Variants in SIL1 observed in about 807,000 individuals in gnomAD.
SIL1 encodes SIL1 nucleotide exchange factor.
Under a neutral mutation model 49.1 loss-of-function variants are expected in SIL1, and 40 were observed. The observed-to-expected ratio is 0.81, with a 90% CI of 0.63 to 1.06. SIL1 has a LOEUF of 1.06. Ranked by LOEUF, SIL1 falls within the 50% of genes least tolerant of loss-of-function variation. The pLI is 0.00. For missense variants in SIL1, 500 were observed against 572.6 expected (o/e 0.87, Z 1.29); for synonymous variants, 253 against 250.8 (o/e 1.01, Z -0.08).
At chr5:138,973,603 A>G (rs1580996664) in intron 7 of SIL1, among the ~76,000 whole-genome samples, 1 of 152,084 alleles carries the variant, frequency 6.6e-6, no homozygotes, top group East Asian at 1.9e-4. Context: ...CTGGGACTAG[A>G]CATATGCCAC....
chr5:138,956,273 CAGAA>C (rs775858665), intron 7 of SIL1, among the ~76,000 whole-genome samples: 125 of 152,306 alleles, frequency 8.2e-4, no homozygotes, highest in Non-Finnish European at 1.3e-3. Flanking sequence ...CCTTCTTGCC[CAGAA>C]AGAAAGATTT....
intron 1 of SIL1, among the ~76,000 whole-genome samples, chr5:139,141,129 G>C (rs1302321844): frequency 6.6e-6 from 1 of 152,168 alleles, no homozygotes; most frequent in Admixed American, 6.5e-5. Flanking sequence ...CTATTTCATA[G>C]GCCTATAACT....
intron 7 of SIL1, among the ~76,000 whole-genome samples, chr5:139,008,845 G>A (rs889129297): frequency 2.6e-5 from 4 of 152,144 alleles, no homozygotes; most frequent in African/African-American, 9.7e-5. Context: ...TATAACTTCT[G>A]TTCTTTTACA....
intron 7 of SIL1, among the ~76,000 whole-genome samples, chr5:138,994,423 T>C (rs951992580): frequency 2.0e-5 from 3 of 152,134 alleles, no homozygotes; most frequent in Admixed American, 1.3e-4. Flanking sequence ...TCACTACCTA[T>C]ATGGAAAAAA....
At chr5:139,082,359 C>A (rs570651632) in intron 3 of SIL1, among the ~76,000 whole-genome samples, 1 of 152,264 alleles carries the variant, frequency 6.6e-6, no homozygotes, top group Admixed American at 6.5e-5. Context: ...TGAGGGTATG[C>A]TGAGTCTGAC....
At chr5:139,171,504 G>GTGCTC (rs528140936) in intron 1 of SIL1, among the ~76,000 whole-genome samples, 3 of 152,086 alleles carry the variant, frequency 2.0e-5, no homozygotes, top group South Asian at 2.1e-4. Flanking sequence ...TGAAGGCAGC[G>GTGCTC]TGCTCGTTAA....
intron 3 of SIL1, among the ~76,000 whole-genome samples, chr5:139,091,451 T>C (rs779352057): frequency 6.6e-6 from 1 of 152,218 alleles, no homozygotes; most frequent in Non-Finnish European, 1.5e-5. Flanking sequence ...TATTTGACTC[T>C]ATGAAAAGAT....
intron 3 of SIL1, among the ~76,000 whole-genome samples, chr5:139,088,191 C>A (rs1327736404): frequency 6.6e-6 from 1 of 152,248 alleles, no homozygotes; most frequent in East Asian, 1.9e-4. Context: ...ATGATTCTTT[C>A]ATTCACTTGT....
At chr5:139,035,191 A>C (rs1768875011) in intron 5 of SIL1, 2 of 402,980 alleles carry the variant, frequency 5.0e-6, no homozygotes, top group South Asian at 4.5e-5. Context: ...GATGTCATCT[A>C]TGATGTCATG....
intron 7 of SIL1, among the ~76,000 whole-genome samples, chr5:138,979,098 G>A (rs1430424971): frequency 6.0e-5 from 9 of 151,166 alleles, no homozygotes; most frequent in South Asian, 2.1e-4. Flanking sequence ...AAGGAGTCTC[G>A]CTCTGTCGCC....
In SIL1 at chr5:138,946,798, AG is replaced by A. The variant is rs560750312; in HGVS notation, c.*318del. 86 of 402,248 alleles carry A rather than the reference AG, an allele frequency of 2.1e-4. No homozygotes were observed. Among genetic ancestry groups the A allele is most frequent in the African/African-American group, 1.6e-3 (78 of 49,654 alleles). 24.9% of individuals were successfully genotyped at this position (402,248 alleles called of 1,614,324 possible). ...CTCAGAGCAATTAAGCGACTTCCCA[AG>A]GTACAGAGCTGCTGCTTGGTAAGAA... On this transcript the variant is annotated 3_prime_UTR_variant, in exon 10 of 10. Coordinates refer to ENST00000394817, the MANE Select transcript of SIL1 (RefSeq NM_022464.5).
chr5:139,145,236 A>G (rs1751169158), intron 1 of SIL1, among the ~76,000 whole-genome samples: 1 of 152,238 alleles, frequency 6.6e-6, no homozygotes, highest in African/African-American at 2.4e-5. Flanking sequence ...AAAGATGCTC[A>G]GTATCATTAG....
At chr5:139,121,276 C>T (rs1019272001) in intron 2 of SIL1, 103 bp from the exon 3 acceptor site, 37 of 1,480,832 alleles carry the variant, frequency 2.5e-5, no homozygotes, top group Non-Finnish European at 6.5e-6. Context: ...ATGCCCCTCT[C>T]CCCCACAGCC....
chr5:138,953,361 C>T (rs960893062), intron 7 of SIL1: 9 of 152,364 alleles, frequency 5.9e-5, no homozygotes, highest in Admixed American at 5.2e-4. Context: ...AGCAGGCGTG[C>T]CCCCAAAGCT....
chr5:139,053,684 T>A (rs923952045), intron 3 of SIL1, among the ~76,000 whole-genome samples: 2 of 152,132 alleles, frequency 1.3e-5, no homozygotes, highest in Admixed American at 6.6e-5. Flanking sequence ...CCATGCTACC[T>A]CCTACCAGGG....
At chr5:139,177,790 G>A (rs1375201945) in intron 1 of SIL1, among the ~76,000 whole-genome samples, 1 of 152,226 alleles carries the variant, frequency 6.6e-6, no homozygotes. Flanking sequence ...ACACACAGTG[G>A]GAGGAACAAC....
At chr5:139,164,215 T>C (rs1751573783) in intron 1 of SIL1, among the ~76,000 whole-genome samples, 1 of 151,616 alleles carries the variant, frequency 6.6e-6, no homozygotes. Context: ...CCACGCAACA[T>C]GTACATGGCA....
intron 3 of SIL1, among the ~76,000 whole-genome samples, chr5:139,097,508 C>CT (rs1770494251): frequency 4.1e-5 from 6 of 147,556 alleles, no homozygotes; most frequent in African/African-American, 1.5e-4. Context: ...TTTAAGACTT[C>CT]TCACCGTCAC....
Position 139,182,393 on chromosome 5 carries a change from AT to A in SIL1, c.-11+15875del, listed in dbSNP as rs1394908852. ...CCACATCTGTCTCATTCATCACTGTATTTCCAGGGCTAAGCAGGTCCTGGCA... is the reference window on the plus strand; with the variant it reads ...CCACATCTGTCTCATTCATCACTGTATTCCAGGGCTAAGCAGGTCCTGGCA... On this transcript the variant is annotated intron_variant, in intron 1 of 9. Transcript: ENST00000394817. 2.0e-5 allele frequency among the ~76,000 whole-genome samples: 3 copies of A among 152,334 alleles called. No homozygotes were observed. In the East Asian group the frequency reaches 5.8e-4, roughly 29 times the overall value.
Sources: gnomAD v4.1 joint callset for allele counts (sites outside exome capture counted in the v4.1 genomes callset) on GRCh38, gnomAD v4.1.1 for gene constraint, MANE v1.5 for transcripts, NCBI Gene and HGNC (gene_info 2026-07-23, HGNC 2026-07-21) for gene names.